Variants in NCOA2 observed in about 807,000 individuals in gnomAD.
The protein encoded by NCOA2 is nuclear receptor coactivator 2.
In NCOA2, 21 loss-of-function variants were observed where a neutral mutation model predicts 145.1. That is an observed-to-expected ratio of 0.14 (90% CI 0.10 to 0.21). The LOEUF is 0.21. Among genes scored for constraint, NCOA2 ranks in the 10% least tolerant of loss-of-function variants. NCOA2 has a pLI of 1.00. For synonymous variants in NCOA2, 619 were observed against 637.5 expected (o/e 0.97, Z 0.44); for missense variants, 1,472 against 1,837.6 (o/e 0.80, Z 3.64).
upstream of NCOA2, among the ~76,000 whole-genome samples, chr8:70,406,126 T>G (rs1423355970): frequency 1.3e-5 from 2 of 152,342 alleles, no homozygotes; most frequent in South Asian, 4.1e-4. Flanking sequence ...CCTAGTCTTG[T>G]TCTTGTTTGT....
intron 2 of NCOA2, among the ~76,000 whole-genome samples, chr8:70,237,669 C>T (rs1302813033): frequency 2.0e-5 from 3 of 152,058 alleles, no homozygotes; most frequent in Non-Finnish European, 4.4e-5. Context: ...ACCAGGGAGG[C>T]TGAGGTGAGA....
chr8:70,215,684 A>C (rs770997255), intron 3 of NCOA2, among the ~76,000 whole-genome samples: 2 of 152,088 alleles, frequency 1.3e-5, no homozygotes, highest in Non-Finnish European at 2.9e-5. Flanking sequence ...GTTTTTATTT[A>C]ATTCTTAAAA....
chr8:70,191,280 C>A (rs1816645634), intron 4 of NCOA2, among the ~76,000 whole-genome samples: 1 of 152,160 alleles, frequency 6.6e-6, no homozygotes. Context: ...AGACAGAAAT[C>A]AAAGATAAAA....
intron 2 of NCOA2, among the ~76,000 whole-genome samples, chr8:70,249,963 C>A (rs199763331): frequency 3.3e-3 from 251 of 75,178 alleles, no homozygotes; most frequent in East Asian, 5.0e-3. Flanking sequence ...AATCTGCCTC[C>A]AAAAAAAAAA....
intron 9 of NCOA2, 108 bp from the exon 10 acceptor site, chr8:70,159,760 T>G: frequency 1.0e-6 from 1 of 973,456 alleles, no homozygotes; most frequent in Non-Finnish European, 1.5e-6. Context: ...TCATAATAGT[T>G]TCCCACCAGC....
At chr8:70,199,364 T>C (rs561776335) in intron 4 of NCOA2, among the ~76,000 whole-genome samples, 2 of 149,240 alleles carry the variant, frequency 1.3e-5, no homozygotes, top group South Asian at 2.1e-4. Context: ...GGCAGGAGAA[T>C]TGCTTGAACC....
chr8:70,150,208 C>G lies in NCOA2; in HGVS notation c.2395-1725G>C, dbSNP rs188159548. Among the ~76,000 whole-genome samples, 23 of 152,184 alleles carry G rather than the reference C, an allele frequency of 1.5e-4. No individual in the cohort carries two copies. The East Asian group carries it at 3.9e-3, about 26-fold the overall frequency. The stretch of plus-strand genomic sequence containing the variant: ...AGCTAGTTTAGCCACTCAATTGTAA[C>G]AAAAGAGGGAGGTATCTAATACAGG... On this transcript the variant is annotated intron_variant, in intron 11 of 22. Coordinates refer to ENST00000452400, the MANE Select transcript of NCOA2 (RefSeq NM_006540.4).
chr8:70,384,328 TTCA>T (rs1156577866), intron 1 of NCOA2, among the ~76,000 whole-genome samples: 1 of 151,714 alleles, frequency 6.6e-6, no homozygotes, highest in East Asian at 1.9e-4. Context: ...TCGCAAGAGC[TTCA>T]TTTTTCTGAG....
At chr8:70,220,411 GA>G (rs1047614601) in intron 2 of NCOA2, among the ~76,000 whole-genome samples, 1 of 151,080 alleles carries the variant, frequency 6.6e-6, no homozygotes, top group Non-Finnish European at 1.5e-5. Context: ...GGACAAGTCT[GA>G]AAAAAAAAGT....
In NCOA2 at chr8:70,121,321, T is replaced by C. The variant is rs199812791; in HGVS notation, c.4364A>G (p.Gln1455Arg). 16 of 1,612,840 alleles carry C rather than the reference T, an allele frequency of 9.9e-6. 1 individual carries two copies. Among genetic ancestry groups the C allele is most frequent in the East Asian group, 2.2e-5 (1 of 44,882 alleles). The change falls in exon 22 of 23, where the codon CAG becomes CGG. Residue 1455 changes from glutamine to arginine, a missense_variant. Transcript: ENST00000452400. ...TCTTACCCGTGTTGTGTCTCCCTCCTGCTTAATCATATCCATTCCAGGCAG... is the reference window on the plus strand; with the variant it reads ...TCTTACCCGTGTTGTGTCTCCCTCCCGCTTAATCATATCCATTCCAGGCAG... Reference protein sequence around the residue: ...NQLPGMDMIKQEGDTTRKYC With the variant: ...NQLPGMDMIKREGDTTRKYC
At chr8:70,410,043 C>G in the NCOA2 span, among the ~76,000 whole-genome samples, 1 of 152,046 alleles carries the variant, frequency 6.6e-6, no homozygotes, top group African/African-American at 2.4e-5. Flanking sequence ...AATCCCGTCT[C>G]TACTAAAAAT....
intron 1 of NCOA2, among the ~76,000 whole-genome samples, chr8:70,376,560 C>T (rs1811685315): frequency 6.6e-6 from 1 of 152,150 alleles, no homozygotes; most frequent in African/African-American, 2.4e-5. Context: ...AATTCTATTA[C>T]AGAATCAAGA....
chr8:70,166,458 G>A (rs1195214392), intron 7 of NCOA2, 108 bp downstream of exon 7: 2 of 1,269,324 alleles, frequency 1.6e-6, no homozygotes, highest in East Asian at 2.3e-5. Flanking sequence ...AAAGAACAAA[G>A]ATACTGCCTC....
chr8:70,278,846 A>G (rs1470417530), intron 2 of NCOA2, among the ~76,000 whole-genome samples: 2 of 151,846 alleles, frequency 1.3e-5, no homozygotes, highest in African/African-American at 4.8e-5. Context: ...TGCACCTGTA[A>G]TCCCAGCTAC....
chr8:70,198,444 T>C lies in NCOA2; in HGVS notation c.259+15459A>G, dbSNP rs139222613. Among the ~76,000 whole-genome samples, 327 of 152,284 alleles carry C rather than the reference T, an allele frequency of 2.1e-3. 2 individuals carry two copies. Among genetic ancestry groups the C allele is most frequent in the African/African-American group, 7.2e-3 (300 of 41,556 alleles). On this transcript the variant is annotated intron_variant, in intron 4 of 22. Transcript: ENST00000452400. ...AGCCAGCAAAGGGCCTTGAATACCATGGGAAGGCATTTTCCTTCGTCCTGC... is the reference window on the plus strand; with the variant it reads ...AGCCAGCAAAGGGCCTTGAATACCACGGGAAGGCATTTTCCTTCGTCCTGC...
chr8:70,343,804 C>A (rs1808362194), intron 1 of NCOA2, among the ~76,000 whole-genome samples: 1 of 149,412 alleles, frequency 6.7e-6, no homozygotes, highest in African/African-American at 2.5e-5. Context: ...AAGCAAGACC[C>A]CATCTCAAAA....
intron 4 of NCOA2, among the ~76,000 whole-genome samples, chr8:70,203,195 A>G (rs568071192): frequency 6.6e-6 from 1 of 150,464 alleles, no homozygotes; most frequent in Non-Finnish European, 1.5e-5. Flanking sequence ...CCTGGGAGGC[A>G]GAGGTTGCAG....
intron 15 of NCOA2, among the ~76,000 whole-genome samples, chr8:70,133,887 A>G (rs1809441567): frequency 6.6e-6 from 1 of 152,186 alleles, no homozygotes; most frequent in Non-Finnish European, 1.5e-5. Context: ...ATAACAACCT[A>G]TTCTCTCCAC....
intron 1 of NCOA2, among the ~76,000 whole-genome samples, chr8:70,397,917 A>G (rs758477835): frequency 1.2e-4 from 18 of 152,300 alleles, no homozygotes; most frequent in Admixed American, 2.0e-4. Flanking sequence ...ATACACACAA[A>G]AAGAACAGAT....
Sources: allele counts gnomAD v4.1 joint callset (sites outside exome capture counted in the v4.1 genomes callset), GRCh38; gene constraint gnomAD v4.1.1; transcripts MANE v1.5; gene names NCBI Gene and HGNC (gene_info 2026-07-23, HGNC 2026-07-21).